Variants in NRG2 observed in about 807,000 individuals in gnomAD.
NRG2 encodes the protein neuregulin 2, also known as pro-neuregulin-2, membrane-bound isoform.
In NRG2, 27 loss-of-function variants were observed where a neutral mutation model predicts 73.9. The ratio of observed to expected loss-of-function variants is 0.37; its 90% CI spans 0.27 to 0.50. The LOEUF (loss-of-function observed/expected upper bound fraction) is 0.50, where lower values mean the gene tolerates loss of function less well. Among genes scored for constraint, NRG2 ranks in the 20% least tolerant of loss-of-function variants. The probability of loss-of-function intolerance (pLI) is 0.96; values close to 1 mark genes in which losing one functional copy is unlikely to be tolerated. For synonymous variants in NRG2, 532 were observed against 541.0 expected, an observed-to-expected ratio of 0.98 and a Z score of 0.23; for missense variants, 1,126 against 1,210.1, an observed-to-expected ratio of 0.93 and a Z score of 1.03.
At chr5:139,922,230 T>C (rs946749680) in intron 1 of NRG2, among the ~76,000 whole-genome samples, 1 of 152,054 alleles carries the variant, frequency 6.6e-6, no homozygotes, top group Admixed American at 6.6e-5. Context: ...ATCCAAAACA[T>C]ACAAAGAACT....
At chr5:139,873,685 T>A (rs563471826) in intron 3 of NRG2, among the ~76,000 whole-genome samples, 1 of 152,378 alleles carries the variant, frequency 6.6e-6, no homozygotes, top group East Asian at 1.9e-4. Flanking sequence ...AGCCTGGATC[T>A]GCCAGGCCCA....
Position 139,865,223 on chromosome 5 carries a change from A to T in NRG2, c.1189+326T>A. The T allele has an allele frequency of 6.7e-7, 1 of 1,499,282 alleles. No homozygotes were observed. Among genetic ancestry groups the T allele is most frequent in the Non-Finnish European group, 9.3e-7 (1 of 1,076,546 alleles). The allele number at this position is 1,499,282 out of a possible 1,614,324, so 92.9% of individuals were successfully genotyped here. ...AGAGAGAGCCAGGATAGCAAGACAC[A>T]GGCATTGCAACACCCCGGCACGGGC... On this transcript the variant is annotated intron_variant, in intron 5 of 9. Transcript: ENST00000361474. This position sits in a 1 kb window ranked among gnomAD's most constrained non-coding sequence, Gnocchi z 5.2.
At chr5:140,000,084 A>G in intron 1 of NRG2, among the ~76,000 whole-genome samples, 1 of 152,260 alleles carries the variant, frequency 6.6e-6, no homozygotes, top group South Asian at 2.1e-4. Flanking sequence ...TCTCTTCTAC[A>G]CTATGATATC....
At chr5:139,857,507 T>C (rs552950874) in intron 5 of NRG2, among the ~76,000 whole-genome samples, 1 of 149,656 alleles carries the variant, frequency 6.7e-6, no homozygotes, top group South Asian at 2.1e-4. Flanking sequence ...GGGTGAACTG[T>C]GCTTGTCTCA....
intron 1 of NRG2, among the ~76,000 whole-genome samples, chr5:139,907,207 C>A (rs1414109567): frequency 1.3e-5 from 2 of 151,938 alleles, no homozygotes; most frequent in African/African-American, 4.8e-5. Context: ...GTGGTCAGAT[C>A]AAGCAGGACA....
chr5:139,848,278 C>T lies in NRG2; in HGVS notation c.2192G>A (p.Gly731Asp), dbSNP rs1761143955. Residue 731 changes from glycine to aspartate, a missense_variant, in exon 10 of 10, where the codon GGT becomes GAT. Gly to Asp is a moderately conservative substitution (Grantham distance 94). Coordinates refer to ENST00000361474, the MANE Select transcript of NRG2 (RefSeq NM_004883.3). ...CCCCGCCGACGTCCTGCGGGACGCA[C>T]CGCGCGCGCGCGGCCGCGGCGGCGG... ...PPPPPRPRAR[G>D]ASRRTSAGPR... 2 of 1,113,504 alleles carry T rather than the reference C, an allele frequency of 1.8e-6. No homozygotes were observed. The highest frequency in any genetic ancestry group is 2.2e-6 in the Non-Finnish European group (2 of 914,192). 69.0% of individuals were successfully genotyped at this position (1,113,504 alleles called of 1,614,324 possible).
intron 1 of NRG2, among the ~76,000 whole-genome samples, chr5:139,961,529 T>A (rs1184522198): frequency 1.3e-5 from 2 of 152,168 alleles, no homozygotes; most frequent in Non-Finnish European, 2.9e-5. Flanking sequence ...TCTCCCACCA[T>A]CCCAGCGACA....
At chr5:139,916,547 T>TC (rs1250939049) in intron 1 of NRG2, among the ~76,000 whole-genome samples, 1 of 152,004 alleles carries the variant, frequency 6.6e-6, no homozygotes, top group Admixed American at 6.5e-5. Flanking sequence ...TAGCACCCCC[T>TC]CCCCCTGCCA....
chr5:139,987,772 G>GTT (rs374160865), intron 1 of NRG2, among the ~76,000 whole-genome samples: 108 of 126,126 alleles, frequency 8.6e-4, no homozygotes, highest in African/African-American at 1.1e-3. Flanking sequence ...TCTGCAGGTT[G>GTT]TTTTTTTTTT....
At position 139,848,242 on chromosome 5, in the gene NRG2, C is replaced by G; in HGVS notation, c.2228G>C (p.Trp743Ser). The G allele has an allele frequency of 8.8e-7, 1 of 1,141,770 alleles. No homozygotes were observed. The highest frequency in any genetic ancestry group is 1.6e-5 in the African/African-American group (1 of 60,674). 70.7% of individuals were successfully genotyped at this position (1,141,770 alleles called of 1,614,324 possible). The change falls in exon 10 of 10, where the codon TGG (tryptophan) becomes TCG (serine). Residue 743 changes from tryptophan (W) to serine (S), a missense_variant. Trp to Ser is a radical substitution (Grantham distance 177, BLOSUM62 -3). Around this residue, in one of 3 missense-constraint regions of NRG2, gnomAD observed 402 missense variants for 357.8 expected, o/e 1.12. Transcript: ENST00000361474. Reference protein sequence around the residue: ...SRRTSAGPRRWRRSRLNGLAA... With the variant: ...SRRTSAGPRRSRRSRLNGLAA... Reference sequence around the variant, plus strand: ...CAGCCCGTTGAGGCGCGAGCGGCGCCAGCGCCGGGGCCCCGCCGACGTCCT... The same window carrying G: ...CAGCCCGTTGAGGCGCGAGCGGCGCGAGCGCCGGGGCCCCGCCGACGTCCT...
rs1763918136 is a variant in NRG2 at position 139,887,131 on chromosome 5, C to T, written c.872+209G>A. ...AGGCTTAATTCTTGTCTGTGGTCTG[C>T]AAGACCCTGGGCCACCATGACCAGA... On this transcript the variant is annotated intron_variant, in intron 2 of 9. Coordinates refer to ENST00000361474, the MANE Select transcript of NRG2 (RefSeq NM_004883.3). The surrounding 1 kb of genome is among the most constrained non-coding windows in gnomAD (Gnocchi z 4.5). Among the ~76,000 whole-genome samples the T allele has an allele frequency of 6.6e-6, 1 of 152,210 alleles. No homozygotes were observed. Among genetic ancestry groups the T allele is most frequent in the Non-Finnish European group, 1.5e-5 (1 of 68,036 alleles).
At chr5:139,906,048 C>T (rs1339170589) in intron 1 of NRG2, among the ~76,000 whole-genome samples, 1 of 152,112 alleles carries the variant, frequency 6.6e-6, no homozygotes, top group Non-Finnish European at 1.5e-5. Flanking sequence ...CACTCTGTCG[C>T]CCAGGCTGGA....
intron 1 of NRG2, among the ~76,000 whole-genome samples, chr5:139,917,333 C>A (rs1751330920): frequency 6.6e-6 from 1 of 152,170 alleles, no homozygotes; most frequent in African/African-American, 2.4e-5. Flanking sequence ...TTCACTGCAG[C>A]CTTGACCTCC....
intron 1 of NRG2, among the ~76,000 whole-genome samples, chr5:140,038,328 T>G (rs1485103020): frequency 6.6e-6 from 1 of 152,070 alleles, no homozygotes; most frequent in Non-Finnish European, 1.5e-5. Context: ...TGTTTAAATT[T>G]GGGGGTGGGC....
chr5:139,957,153 C>T (rs1401959886), intron 1 of NRG2, among the ~76,000 whole-genome samples: 6 of 152,134 alleles, frequency 3.9e-5, no homozygotes, highest in Admixed American at 3.9e-4. Flanking sequence ...CCTGCCTGCA[C>T]ACCTCTCTTG....
At position 140,015,230 on chromosome 5, in the gene NRG2, G is replaced by A. The variant is rs949955522; in HGVS notation, c.700+27140C>T. 6.6e-5 allele frequency among the ~76,000 whole-genome samples: 10 copies of A among 151,408 alleles called. No individual in the cohort carries two copies. The South Asian group carries it at 1.0e-3, about 16-fold the overall frequency. ...TTATTTATTATGTATATTATTGGTC[G>A]CTTACTACCAGAAAGTAAATTCCAT... is the stretch of plus-strand genomic sequence containing the variant. On this transcript the variant is annotated intron_variant, in intron 1 of 9. Coordinates refer to ENST00000361474, the MANE Select transcript of NRG2 (RefSeq NM_004883.3).
intron 1 of NRG2, among the ~76,000 whole-genome samples, chr5:139,914,062 G>A (rs1167915646): frequency 6.6e-6 from 1 of 152,180 alleles, no homozygotes; most frequent in Admixed American, 6.5e-5. Flanking sequence ...GCTGAGAGGT[G>A]GGAGAATTGC....
Position 139,865,326 on chromosome 5 carries a change from C to A in NRG2, c.1189+223G>T. 1 of 762,082 alleles carries A rather than the reference C, an allele frequency of 1.3e-6. No homozygotes were observed. Among genetic ancestry groups the A allele is most frequent in the Non-Finnish European group, 2.3e-6 (1 of 437,176 alleles). 47.2% of individuals were successfully genotyped at this position (762,082 alleles called of 1,614,324 possible). A position where few individuals can be genotyped will look rare whatever the true frequency, so the allele number is the denominator to read the frequency against. On this transcript the variant is annotated intron_variant, in intron 5 of 9. Coordinates refer to ENST00000361474, the MANE Select transcript of NRG2 (RefSeq NM_004883.3). The surrounding 1 kb of genome is among the most constrained non-coding windows in gnomAD (Gnocchi z 5.2). ...TGCCACTCTGCCCCTTACCTGCAGCCCTGAACTTTAAACCCAAGGATTAGG... is the reference window on the plus strand; with the variant it reads ...TGCCACTCTGCCCCTTACCTGCAGCACTGAACTTTAAACCCAAGGATTAGG...
chr5:139,875,887 G>A (rs1318853121), intron 3 of NRG2, among the ~76,000 whole-genome samples: 3 of 152,204 alleles, frequency 2.0e-5, no homozygotes, highest in Non-Finnish European at 2.9e-5. Flanking sequence ...TGCATTGCTG[G>A]TGGGAATGTA....
Sources: gnomAD v4.1 joint callset for allele counts (sites outside exome capture counted in the v4.1 genomes callset) on GRCh38, gnomAD v4.1.1 for gene constraint, gnomAD v4.1.1 regional missense constraint, Gnocchi (gnomAD v3.1) non-coding constraint, MANE v1.5 for transcripts, NCBI Gene and HGNC (gene_info 2026-07-23, HGNC 2026-07-21) for gene names.